GPHN: variants seen among roughly 807,000 people sequenced by gnomAD.
GPHN encodes gephyrin.
A neutral mutation model predicts 95.5 loss-of-function variants in GPHN; 17 were observed. That is an observed-to-expected ratio of 0.18 (90% CI 0.12 to 0.27). The LOEUF (loss-of-function observed/expected upper bound fraction) is 0.27. Among genes scored for constraint, GPHN ranks in the 10% least tolerant of loss-of-function variants. GPHN has a pLI of 1.00. For synonymous variants in GPHN, 320 were observed against 322.5 expected (o/e 0.99, Z 0.08); for missense variants, 660 against 978.1 (o/e 0.67, Z 4.34).
intron 2 of GPHN, among the ~76,000 whole-genome samples, chr14:66,703,858 A>G (rs953916289): frequency 6.6e-6 from 1 of 152,154 alleles, no homozygotes; most frequent in Non-Finnish European, 1.5e-5. Flanking sequence ...ATAAATTTTC[A>G]AGACCTATTG....
chr14:67,214,284 T>C, the GPHN span, among the ~76,000 whole-genome samples: 2 of 152,138 alleles, frequency 1.3e-5, no homozygotes, highest in Non-Finnish European at 2.9e-5. Flanking sequence ...TCTTTTAGGG[T>C]TTTTATGGTT....
chr14:67,326,053 G>C, the GPHN span, among the ~76,000 whole-genome samples: 14 of 136,252 alleles, frequency 1.0e-4, no homozygotes, highest in Non-Finnish European at 1.8e-4. Context: ...TCTCGATCTC[G>C]TGACCTCGTG....
At chr14:67,526,561 G>A in the GPHN span, among the ~76,000 whole-genome samples, 16 of 152,118 alleles carry the variant, frequency 1.1e-4, no homozygotes, top group African/African-American at 3.4e-4. Context: ...CTGAAACGAC[G>A]CAAAATTGAA....
chr14:66,927,043 A>G (rs1324297672), intron 8 of GPHN, among the ~76,000 whole-genome samples: 2 of 151,994 alleles, frequency 1.3e-5, no homozygotes, highest in East Asian at 1.9e-4. Flanking sequence ...CATATTGTTC[A>G]CTGTTGGCAT....
intron 5 of GPHN, among the ~76,000 whole-genome samples, chr14:66,893,134 A>T (rs1314756899): frequency 6.6e-6 from 1 of 152,196 alleles, no homozygotes; most frequent in Non-Finnish European, 1.5e-5. Context: ...ATTTTCCTAA[A>T]TATCATAGCT....
chr14:66,554,956 A>G (rs1296504127), intron 1 of GPHN, among the ~76,000 whole-genome samples: 1 of 152,202 alleles, frequency 6.6e-6, no homozygotes, highest in African/African-American at 2.4e-5. Flanking sequence ...CATATATTCT[A>G]GTACCCAAAG....
At chr14:67,486,562 A>G in the GPHN span, among the ~76,000 whole-genome samples, 2 of 152,142 alleles carry the variant, frequency 1.3e-5, 1 homozygote, top group South Asian at 4.1e-4. Flanking sequence ...CGTGAGCCAC[A>G]GTGCCCGGCT....
intron 19 of GPHN, 134 bp downstream of exon 19, chr14:67,159,622 G>T: frequency 1.4e-6 from 1 of 720,916 alleles, no homozygotes. Context: ...ATAGTATTAG[G>T]ATCCTTTGCA....
rs112688606 is a variant in GPHN at position 67,136,773 on chromosome 14, A to G, written c.1749-6589A>G. 1.5e-3 allele frequency among the ~76,000 whole-genome samples: 231 copies of G among 152,302 alleles called. 1 individual carries two copies. The highest frequency in any genetic ancestry group is 5.4e-3 in the African/African-American group (225 of 41,568). On this transcript the variant is annotated intron_variant, in intron 17 of 22. Coordinates refer to ENST00000478722, the MANE Select transcript of GPHN (RefSeq NM_020806.5). ...TACATACATTCTTAGCATTAAAGCA[A>G]TTGTCTTACAGAATGTTTTCATGTA...
At chr14:67,482,579 G>C in the GPHN span, among the ~76,000 whole-genome samples, 3 of 152,178 alleles carry the variant, frequency 2.0e-5, no homozygotes, top group South Asian at 4.1e-4. Context: ...AGCCCTTCTA[G>C]GAGACCCCTG....
At chr14:67,720,999 C>T in the GPHN span, 3 of 152,186 alleles carry the variant, frequency 2.0e-5, no homozygotes, top group African/African-American at 7.2e-5. Context: ...TGGTCAGGTC[C>T]ATGGGTTTCC....
chr14:67,687,618 C>A, the GPHN span, among the ~76,000 whole-genome samples: 29 of 151,998 alleles, frequency 1.9e-4, no homozygotes, highest in African/African-American at 7.0e-4. Flanking sequence ...ACTACAGGCA[C>A]ACGCCAACAT....
At chr14:66,621,564 A>G (rs2063304792) in intron 1 of GPHN, among the ~76,000 whole-genome samples, 1 of 150,554 alleles carries the variant, frequency 6.6e-6, no homozygotes, top group Admixed American at 6.6e-5. Context: ...AGCTGGGACT[A>G]CAGGCACCCG....
At chr14:66,677,010 T>C (rs559420967) in intron 1 of GPHN, among the ~76,000 whole-genome samples, 1 of 152,182 alleles carries the variant, frequency 6.6e-6, no homozygotes, top group Non-Finnish European at 1.5e-5. Flanking sequence ...CCTGATTTAA[T>C]TTGTGAGATT....
the GPHN span, among the ~76,000 whole-genome samples, chr14:67,580,682 G>T: frequency 6.6e-6 from 1 of 152,216 alleles, no homozygotes; most frequent in Non-Finnish European, 1.5e-5. Context: ...CCTCTGGGGA[G>T]GCCCCTCAGC....
At chr14:67,649,694 C>CTA in the GPHN span, 2 of 152,076 alleles carry the variant, frequency 1.3e-5, no homozygotes, top group African/African-American at 4.8e-5. Flanking sequence ...CTATGCATTG[C>CTA]TAATAAGGGA....
chr14:66,969,433 T>C (rs1455283325), intron 9 of GPHN: 3 of 152,206 alleles, frequency 2.0e-5, no homozygotes, highest in African/African-American at 7.2e-5. Flanking sequence ...AATTCTCTTT[T>C]AAAGTGAGCA....
chr14:67,008,404 C>T (rs1268740830), intron 9 of GPHN, among the ~76,000 whole-genome samples: 3 of 150,214 alleles, frequency 2.0e-5, no homozygotes, highest in Non-Finnish European at 4.4e-5. Context: ...TGCAGTGAGC[C>T]GAGATCGCTC....
the GPHN span, chr14:67,323,758 C>T: frequency 6.2e-7 from 1 of 1,605,386 alleles, no homozygotes; most frequent in Non-Finnish European, 8.5e-7. Context: ...TCATTGCACC[C>T]CCTTCACAAG....
Sources: gnomAD v4.1 joint callset for allele counts (sites outside exome capture counted in the v4.1 genomes callset) on GRCh38, gnomAD v4.1.1 for gene constraint, MANE v1.5 for transcripts, NCBI Gene and HGNC (gene_info 2026-07-23, HGNC 2026-07-21) for gene names.